COL15A1: variants seen among roughly 807,000 people sequenced by gnomAD.
The protein encoded by COL15A1 is collagen type XV alpha 1 chain.
A neutral mutation model predicts 165.9 loss-of-function variants in COL15A1; 111 were observed. That is an observed-to-expected ratio of 0.67 (90% CI 0.57 to 0.78). The LOEUF (loss-of-function observed/expected upper bound fraction) is 0.78, where lower values mean the gene tolerates loss of function less well. COL15A1 is among the 30% of genes least tolerant of loss of function. COL15A1 has a pLI of 0.00. For synonymous variants in COL15A1, 659 were observed against 674.8 expected (o/e 0.98, Z 0.36); for missense variants, 1,745 against 1,789.7 (o/e 0.98, Z 0.45).
intron 2 of COL15A1, among the ~76,000 whole-genome samples, chr9:98,960,850 C>T (rs765140814): frequency 6.6e-6 from 1 of 152,188 alleles, no homozygotes; most frequent in Non-Finnish European, 1.5e-5. Context: ...GTCCTGTGTC[C>T]TCTCTCAGCA....
chr9:99,055,074 T>A (rs1220863841), intron 32 of COL15A1, 28 bp from the exon 33 acceptor site: 4 of 1,591,682 alleles, frequency 2.5e-6, no homozygotes, highest in Non-Finnish European at 3.4e-6. Context: ...ATTACAATCG[T>A]GAATTTTACG....
intron 2 of COL15A1, among the ~76,000 whole-genome samples, chr9:98,952,467 C>CT (rs539099403): frequency 2.0e-5 from 3 of 152,150 alleles, no homozygotes; most frequent in African/African-American, 7.2e-5. Context: ...GTGCATTTAT[C>CT]TTTTTTCTTC....
chr9:99,055,011 TA>T (rs1168606376), intron 32 of COL15A1, 90 bp from the exon 33 acceptor site: 1 of 1,087,048 alleles, frequency 9.2e-7, no homozygotes, highest in Non-Finnish European at 1.4e-6. Flanking sequence ...TCACATCCAC[TA>T]AGATGTAACT....
At chr9:99,004,711 C>T (rs1564047658) in intron 8 of COL15A1, among the ~76,000 whole-genome samples, 187 bp from the exon 9 acceptor site, 1 of 152,006 alleles carries the variant, frequency 6.6e-6, no homozygotes, top group African/African-American at 2.4e-5. Flanking sequence ...GGGGTGGTCT[C>T]GCAGCATGAG....
chr9:99,007,074 C>T (rs1258603167), intron 9 of COL15A1, among the ~76,000 whole-genome samples: 1 of 152,164 alleles, frequency 6.6e-6, no homozygotes, highest in East Asian at 1.9e-4. Flanking sequence ...TCCAGAAAAG[C>T]AGGACAACTC....
intron 2 of COL15A1, among the ~76,000 whole-genome samples, chr9:98,948,817 T>C (rs1837631492): frequency 1.3e-5 from 2 of 152,152 alleles, no homozygotes; most frequent in African/African-American, 4.8e-5. Flanking sequence ...GCTAATAAAG[T>C]GTTGATGATT....
intron 2 of COL15A1, among the ~76,000 whole-genome samples, chr9:98,975,143 C>G (rs1344717994): frequency 1.3e-5 from 2 of 152,266 alleles, no homozygotes; most frequent in Non-Finnish European, 2.9e-5. Flanking sequence ...CCTCGCGCCT[C>G]CGTCCGGACA....
chr9:99,037,566 G>A (rs1345869925), intron 21 of COL15A1, among the ~76,000 whole-genome samples: 1 of 152,076 alleles, frequency 6.6e-6, no homozygotes, highest in East Asian at 1.9e-4. Context: ...TATTAAAAAA[G>A]TTTCTATTTT....
intron 7 of COL15A1, among the ~76,000 whole-genome samples, chr9:99,001,973 C>T (rs1028566863): frequency 6.6e-6 from 1 of 152,158 alleles, no homozygotes; most frequent in African/African-American, 2.4e-5. Context: ...CTGCGTGGCT[C>T]TTTGAGTACA....
intron 16 of COL15A1, among the ~76,000 whole-genome samples, chr9:99,027,100 G>C (rs546768481): frequency 6.6e-6 from 1 of 152,326 alleles, no homozygotes; most frequent in East Asian, 1.9e-4. Flanking sequence ...TGTGTAGGGG[G>C]TGCTTTCTGC....
intron 9 of COL15A1, among the ~76,000 whole-genome samples, chr9:99,012,288 T>C (rs1418277588): frequency 6.6e-6 from 1 of 152,226 alleles, no homozygotes; most frequent in Non-Finnish European, 1.5e-5. Context: ...CACAACAAAA[T>C]GTGTATGTAC....
In COL15A1 at chr9:99,040,692, T is replaced by C. The variant is rs1292401018; in HGVS notation, c.2511+136T>C. 10 of 1,504,932 alleles carry C rather than the reference T, an allele frequency of 6.6e-6. No homozygotes were observed. In the East Asian group the frequency reaches 2.3e-4, roughly 35 times the overall value. The allele number at this position is 1,504,932 out of a possible 1,614,324, so 93.2% of individuals were successfully genotyped here. On this transcript the variant is annotated intron_variant, in intron 23 of 41. Transcript: ENST00000375001. Reference sequence around the variant, plus strand: ...ATCTTGTTCATTAACTTTTTCTTGATATTTTTGATAGATATGGGGTTTTGC... The same window carrying C: ...ATCTTGTTCATTAACTTTTTCTTGACATTTTTGATAGATATGGGGTTTTGC...
At chr9:98,991,992 A>G (rs1838443480) in intron 5 of COL15A1, among the ~76,000 whole-genome samples, 1 of 152,246 alleles carries the variant, frequency 6.6e-6, no homozygotes, top group South Asian at 2.1e-4. Context: ...TGTGTTTACA[A>G]TCCTTTAGCT....
chr9:98,958,160 CTCT>C (rs1402208295), intron 2 of COL15A1, among the ~76,000 whole-genome samples: 1 of 152,270 alleles, frequency 6.6e-6, no homozygotes, highest in Non-Finnish European at 1.5e-5. Flanking sequence ...CATTCCTTTG[CTCT>C]TCTTCTGCTG....
chr9:99,008,605 T>G (rs1173963093), intron 9 of COL15A1, among the ~76,000 whole-genome samples: 1 of 152,128 alleles, frequency 6.6e-6, no homozygotes, highest in Non-Finnish European at 1.5e-5. Context: ...TTTATATGAG[T>G]ATATTTTACT....
intron 7 of COL15A1, 31 bp from the exon 8 acceptor site, chr9:99,003,422 A>G: frequency 7.0e-7 from 1 of 1,426,524 alleles, no homozygotes; most frequent in African/African-American, 1.5e-5. Context: ...GAGCCCAGAG[A>G]CATGGTCTCT....
chr9:99,057,334 A>C (rs565401313), intron 35 of COL15A1, among the ~76,000 whole-genome samples: 3 of 152,302 alleles, frequency 2.0e-5, no homozygotes, highest in Admixed American at 2.0e-4. Context: ...ATGTGAGTGG[A>C]AACTTCCTGG....
intron 2 of COL15A1, among the ~76,000 whole-genome samples, chr9:98,976,298 T>C (rs963344626): frequency 2.0e-5 from 3 of 152,188 alleles, no homozygotes; most frequent in African/African-American, 7.2e-5. Flanking sequence ...CAGGAAGTGT[T>C]TGAAGGCAGT....
At chr9:98,956,262 T>C (rs1855402) in intron 2 of COL15A1, among the ~76,000 whole-genome samples, 52,047 of 152,106 alleles carry the variant, frequency 0.34, 9,055 homozygotes, top group Non-Finnish European at 0.38. Context: ...GCCGAGATCA[T>C]GCCACTACAT....
Sources: allele counts gnomAD v4.1 joint callset (sites outside exome capture counted in the v4.1 genomes callset), GRCh38; gene constraint gnomAD v4.1.1; transcripts MANE v1.5; gene names NCBI Gene and HGNC (gene_info 2026-07-23, HGNC 2026-07-21).